Variants in WDR64 observed in about 807,000 individuals in gnomAD.
The protein encoded by WDR64 is WD repeat domain 64, also known as WD repeat-containing protein 64.
Under a neutral mutation model 139.3 loss-of-function variants are expected in WDR64, and 112 were observed. The ratio of observed to expected loss-of-function variants is 0.80; its 90% CI spans 0.69 to 0.94. The LOEUF (loss-of-function observed/expected upper bound fraction) is 0.94, where lower values mean the gene tolerates loss of function less well. Ranked by LOEUF, WDR64 falls within the 40% of genes least tolerant of loss-of-function variation. The pLI, the probability that WDR64 is intolerant of heterozygous loss-of-function variation, is 0.00. For missense variants in WDR64, 1,206 were observed against 1,293.1 expected (o/e 0.93, Z 1.03); for synonymous variants, 444 against 437.7 (o/e 1.01, Z -0.18).
At chr1:241,754,579 A>G (rs1670106469) in intron 14 of WDR64, among the ~76,000 whole-genome samples, 1 of 151,868 alleles carries the variant, frequency 6.6e-6, no homozygotes, top group African/African-American at 2.4e-5. Context: ...CAGCCTCCCA[A>G]AGTGCTGGAA....
intron 3 of WDR64, among the ~76,000 whole-genome samples, chr1:241,673,932 A>G (rs1276109416): frequency 6.6e-6 from 1 of 152,212 alleles, no homozygotes; most frequent in East Asian, 1.9e-4. Context: ...TGCGTAAACC[A>G]CAATGGTGAG....
At chr1:241,714,558 T>C (rs1668326782) in intron 9 of WDR64, among the ~76,000 whole-genome samples, 1 of 152,082 alleles carries the variant, frequency 6.6e-6, no homozygotes, top group South Asian at 2.1e-4. Context: ...TCCTATTTCA[T>C]GGCTGGGGAA....
At chr1:241,761,507 G>T (rs535730128) in intron 15 of WDR64, among the ~76,000 whole-genome samples, 2 of 151,174 alleles carry the variant, frequency 1.3e-5, no homozygotes, top group Non-Finnish European at 3.0e-5. Flanking sequence ...CTATGTTGTT[G>T]TTCTTTTCCT....
chr1:241,699,559 A>C (rs1667627648), intron 8 of WDR64, among the ~76,000 whole-genome samples: 1 of 152,098 alleles, frequency 6.6e-6, no homozygotes, highest in African/African-American at 2.4e-5. Context: ...AGTGCTTAGA[A>C]CATCTTAGGA....
chr1:241,795,125 C>G, intron 25 of WDR64, 82 bp from the exon 26 acceptor site: 1 of 1,202,364 alleles, frequency 8.3e-7, no homozygotes, highest in Non-Finnish European at 1.2e-6. Context: ...TAATAAGTGA[C>G]AGAGTCAGGA....
intron 25 of WDR64, among the ~76,000 whole-genome samples, chr1:241,791,012 A>G (rs991923048): frequency 6.6e-6 from 1 of 152,104 alleles, no homozygotes; most frequent in Admixed American, 6.6e-5. Context: ...TGGGCCAGAC[A>G]TGGTGGCTTA....
intron 10 of WDR64, among the ~76,000 whole-genome samples, chr1:241,724,041 GAT>G (rs1372826928): frequency 1.3e-4 from 19 of 151,942 alleles, no homozygotes; most frequent in Non-Finnish European, 1.9e-4. Context: ...AGGTCAAAGA[GAT>G]AGCATTCACA....
intron 8 of WDR64, among the ~76,000 whole-genome samples, chr1:241,708,144 C>T (rs1327357180): frequency 6.6e-6 from 1 of 152,086 alleles, no homozygotes; most frequent in African/African-American, 2.4e-5. Context: ...CGAATATACT[C>T]CAGGGGGTAT....
chr1:241,705,554 T>A (rs1035568884), intron 8 of WDR64, among the ~76,000 whole-genome samples: 4 of 70,504 alleles, frequency 5.7e-5, no homozygotes, highest in East Asian at 3.8e-4. Flanking sequence ...AAAAAATAAA[T>A]AAATAAATAA....
intron 8 of WDR64, among the ~76,000 whole-genome samples, chr1:241,689,333 G>A (rs1558473624): frequency 6.6e-6 from 1 of 152,118 alleles, no homozygotes; most frequent in East Asian, 1.9e-4. Flanking sequence ...ACTATATGCT[G>A]TCTATGAGAA....
chr1:241,739,510 C>T (rs997861633), intron 11 of WDR64, among the ~76,000 whole-genome samples: 2 of 152,150 alleles, frequency 1.3e-5, no homozygotes, highest in Admixed American at 1.3e-4. Flanking sequence ...CATTATAAAA[C>T]AGGACTTAGT....
At chr1:241,773,029 T>C in intron 20 of WDR64, 98 bp downstream of exon 20, 5 of 1,343,334 alleles carry the variant, frequency 3.7e-6, no homozygotes, top group Admixed American at 3.3e-5. Context: ...CATCCAATTA[T>C]AATATTTTTT....
At chr1:241,746,221 CTGGG>C (rs1669749590) in intron 13 of WDR64, among the ~76,000 whole-genome samples, 1 of 152,036 alleles carries the variant, frequency 6.6e-6, no homozygotes, top group Non-Finnish European at 1.5e-5. Context: ...TGAAAACACT[CTGGG>C]TGTCGAGCAG....
In WDR64 at chr1:241,801,782, G is replaced by A. The variant is rs1023566474; in HGVS notation, c.*567G>A. 6.8e-5 allele frequency: 27 copies of A among 398,162 alleles called. No homozygotes were observed. The highest frequency in any genetic ancestry group is 7.1e-5 in the East Asian group (2 of 28,016). The allele number at this position is 398,162 out of a possible 1,614,324, so 24.7% of individuals were successfully genotyped here. On this transcript the variant is annotated 3_prime_UTR_variant, in exon 28 of 28. Coordinates refer to ENST00000437684, the MANE Select transcript of WDR64 (RefSeq NM_001367482.1). ...TGACTCCAGATAAATATAAAAGACGGCAAAGAAAGGAAGAAAAATGGGTCA... is the reference window on the plus strand; with the variant it reads ...TGACTCCAGATAAATATAAAAGACGACAAAGAAAGGAAGAAAAATGGGTCA...
chr1:241,700,315 AC>A lies in WDR64; in HGVS notation c.975-11486del, dbSNP rs1667663240. 2.0e-5 allele frequency among the ~76,000 whole-genome samples: 3 copies of A among 151,380 alleles called. No homozygotes were observed. In the South Asian group the frequency reaches 6.3e-4, roughly 32 times the overall value. On this transcript the variant is annotated intron_variant, in intron 8 of 27. Coordinates refer to ENST00000437684, the MANE Select transcript of WDR64 (RefSeq NM_001367482.1). ...CTGTTCTCTCTCTGTCCCTACTTCC[AC>A]TGGTTAAGCCCAAGCGCTCACCATT...
intron 7 of WDR64, 88 bp from the exon 8 acceptor site, chr1:241,687,373 G>A (rs1441146423): frequency 6.9e-7 from 1 of 1,454,928 alleles, no homozygotes; most frequent in African/African-American, 1.4e-5. Context: ...GTACAATTCA[G>A]TTACAGTCAA....
intron 8 of WDR64, among the ~76,000 whole-genome samples, chr1:241,689,202 T>C (rs1474946978): frequency 6.6e-6 from 1 of 152,182 alleles, no homozygotes; most frequent in African/African-American, 2.4e-5. Context: ...ATGTTACTAA[T>C]GGCCTATTTA....
chr1:241,685,800 C>T (rs1478460452), intron 7 of WDR64, among the ~76,000 whole-genome samples: 1 of 152,158 alleles, frequency 6.6e-6, no homozygotes, highest in Non-Finnish European at 1.5e-5. Flanking sequence ...AGAATTAGAC[C>T]TGATGGAGGA....
At chr1:241,796,964 A>T (rs1036381572) in intron 27 of WDR64, among the ~76,000 whole-genome samples, 11 of 152,184 alleles carry the variant, frequency 7.2e-5, no homozygotes, top group African/African-American at 2.7e-4. Context: ...TGTTTTAGAA[A>T]CTAGGAGATT....
Sources: allele counts gnomAD v4.1 joint callset (sites outside exome capture counted in the v4.1 genomes callset), GRCh38; gene constraint gnomAD v4.1.1; transcripts MANE v1.5; gene names NCBI Gene and HGNC (gene_info 2026-07-23, HGNC 2026-07-21).